SPTAN1: variants seen among roughly 807,000 people sequenced by gnomAD.
SPTAN1 encodes the protein spectrin alpha, non-erythrocytic 1.
Under a neutral mutation model 331.3 loss-of-function variants are expected in SPTAN1, and 61 were observed. That is an observed-to-expected ratio of 0.18 (90% confidence interval 0.15 to 0.23). SPTAN1 has a LOEUF of 0.23. SPTAN1 is among the 10% of genes least tolerant of loss of function. The probability of loss-of-function intolerance (pLI) is 1.00; values close to 1 mark genes in which losing one functional copy is unlikely to be tolerated. For synonymous variants in SPTAN1, 1,153 were observed against 1,173.9 expected (o/e 0.98, Z 0.36); for missense variants, 2,043 against 3,147.9 (o/e 0.65, Z 8.40).
intron 1 of SPTAN1, among the ~76,000 whole-genome samples, chr9:128,558,537 G>C (rs561598177): frequency 2.0e-5 from 3 of 152,294 alleles, no homozygotes. Flanking sequence ...CTAGGAAGTC[G>C]TCTCTGTTGT....
intron 1 of SPTAN1, chr9:128,555,260 CAT>C: frequency 1.1e-6 from 1 of 934,950 alleles, no homozygotes; most frequent in African/African-American, 1.7e-5. Context: ...AATCTGTATT[CAT>C]ATTTTTTAAA....
intron 1 of SPTAN1, among the ~76,000 whole-genome samples, chr9:128,562,128 ATTTT>A (rs926707685): frequency 2.0e-5 from 3 of 151,960 alleles, no homozygotes; most frequent in African/African-American, 4.8e-5. Context: ...TGTTTTTTAT[ATTTT>A]TTATTTTTTT....
chr9:128,555,062 C>G (rs1364452526), intron 1 of SPTAN1, among the ~76,000 whole-genome samples: 1 of 152,108 alleles, frequency 6.6e-6, no homozygotes, highest in Non-Finnish European at 1.5e-5. Flanking sequence ...GGTATTATTA[C>G]TTTAACAAGT....
chr9:128,632,925 G>C lies in SPTAN1; in HGVS notation c.7278G>C (p.Lys2426Asn). Residue 2426 changes from lysine (K) to asparagine (N), a missense_variant, in exon 56 of 57, where the codon AAG (lysine) becomes AAC (asparagine). By Grantham distance (94) the Lys-to-Asn change is moderately conservative. Transcript: ENST00000372739. ...TCCGGGCCCTCAGCTCAGAGGGAAA[G>C]CCTTACGTGACCAAGGAGGAGCTCT... The part of the protein sequence containing the change: ...SAFRALSSEG[K>N]PYVTKEELYQ... 6.2e-7 allele frequency: 1 copy of C among 1,613,370 alleles called. No individual in the cohort carries two copies. The highest frequency in any genetic ancestry group is 8.5e-7 in the Non-Finnish European group (1 of 1,180,038).
At chr9:128,623,239 CTTTTTTTT>C (rs879242470) in intron 45 of SPTAN1, among the ~76,000 whole-genome samples, 2 of 140,014 alleles carry the variant, frequency 1.4e-5, no homozygotes, top group Non-Finnish European at 3.1e-5. Context: ...TTCTTTTTTT[CTTTTTTTT>C]TTTTAAGAGA....
Position 128,632,567 on chromosome 9 carries a change from T to G in SPTAN1, c.7014-5T>G. ...TGCTGAGCCGCCCTCGGCTTTGTGC[T>G]GCAGACACTTTGACAAGGACAAGTC... is the stretch of plus-strand genomic sequence containing the variant. On this transcript the variant is annotated splice_polypyrimidine_tract_variant and splice_region_variant and intron_variant, in intron 54 of 56. Coordinates refer to ENST00000372739, the MANE Select transcript of SPTAN1 (RefSeq NM_001130438.3). 6.2e-7 allele frequency: 1 copy of G among 1,614,150 alleles called. No homozygotes were observed.
chr9:128,631,905 C>T (rs897224951), intron 52 of SPTAN1: 2 of 585,148 alleles, frequency 3.4e-6, no homozygotes, highest in East Asian at 5.8e-5. Context: ...GGCAGGTCTA[C>T]CAGCTGCTTT....
In SPTAN1 at chr9:128,591,638, C is replaced by T; in HGVS notation, c.3155+13C>T. 2 of 1,613,584 alleles carry T rather than the reference C, an allele frequency of 1.2e-6. No homozygotes were observed. Among genetic ancestry groups the T allele is most frequent in the Non-Finnish European group, 1.7e-6 (2 of 1,179,854 alleles). On this transcript the variant is annotated intron_variant, in intron 22 of 56. Coordinates refer to ENST00000372739, the MANE Select transcript of SPTAN1 (RefSeq NM_001130438.3). ...AGATTGACAATCAGTAAGGATGACA[C>T]TGGGGGCCGCAAGGGCTAGGCGTCC...
Position 128,607,722 on chromosome 9 carries a change from T to TA in SPTAN1, c.4146+19_4146+20insA, listed in dbSNP as rs554731574. The TA allele has an allele frequency of 9.4e-5, 151 of 1,613,400 alleles. 1 individual carries two copies. In the East Asian group the frequency reaches 3.1e-3, roughly 33 times the overall value. ...ACACCAGGTGGGTGGACCTGCCTGC[T>TA]GAGTAGCAAAGACGTGGCTGCTCTG... On this transcript the variant is annotated intron_variant, in intron 32 of 56. Transcript: ENST00000372739.
intron 8 of SPTAN1, 48 bp from the exon 9 acceptor site, chr9:128,578,062 C>G: frequency 6.2e-7 from 1 of 1,613,102 alleles, no homozygotes; most frequent in Non-Finnish European, 8.5e-7. Context: ...CATTTTCCAC[C>G]CTGGAACCTC....
intron 1 of SPTAN1, among the ~76,000 whole-genome samples, chr9:128,555,682 A>G (rs1177933378): frequency 1.5e-5 from 2 of 132,132 alleles, no homozygotes; most frequent in African/African-American, 5.8e-5. Flanking sequence ...GAATATATTA[A>G]TTTCTTACCA....
At chr9:128,604,215 A>G (rs1315883510) in intron 28 of SPTAN1, 111 bp from the exon 29 acceptor site, 1 of 1,123,898 alleles carries the variant, frequency 8.9e-7, no homozygotes, top group Non-Finnish European at 1.3e-6. Flanking sequence ...TGGAAACAGG[A>G]AATTATATAT....
Position 128,552,630 on chromosome 9 carries a change from G to C in SPTAN1, c.-70G>C, listed in dbSNP as rs1156310148. On this transcript the variant is annotated 5_prime_UTR_variant, in exon 1 of 57. Transcript: ENST00000372739. This position sits in a 1 kb window ranked among gnomAD's most constrained non-coding sequence, Gnocchi z 4.6. ...GTGAACGGTGTGGAGCGGAGGCCGC[G>C]GAGGCTCCTCGGTCCTTCAGCACCC... is the stretch of plus-strand genomic sequence containing the variant. The C allele has an allele frequency of 6.6e-6, 1 of 151,608 alleles. No homozygotes were observed. Among genetic ancestry groups the C allele is most frequent in the Non-Finnish European group, 1.5e-5 (1 of 67,852 alleles). 9.4% of individuals were successfully genotyped at this position (151,608 alleles called of 1,614,324 possible).
rs2131988548 is a variant in SPTAN1, at chr9:128,627,625, G to A, written c.6689+127G>A. 1 of 999,192 alleles carries A rather than the reference G, an allele frequency of 1.0e-6. No individual in the cohort carries two copies. The highest frequency in any genetic ancestry group is 1.4e-5 in the South Asian group (1 of 73,612). The allele number at this position is 999,192 out of a possible 1,614,324, so 61.9% of individuals were successfully genotyped here. ...CAGAGGCAGCCTGGGAATAAAGCTGGGCTGGCAACGCCTGGTCGGGCTCTG... is the reference window on the plus strand; with the variant it reads ...CAGAGGCAGCCTGGGAATAAAGCTGAGCTGGCAACGCCTGGTCGGGCTCTG... On this transcript the variant is annotated intron_variant, in intron 50 of 56. Transcript: ENST00000372739. This position sits in a 1 kb window ranked among gnomAD's most constrained non-coding sequence, Gnocchi z 4.9.
chr9:128,591,383 A>T, intron 21 of SPTAN1, 94 bp from the exon 22 acceptor site: 1 of 1,567,926 alleles, frequency 6.4e-7, no homozygotes, highest in Non-Finnish European at 8.8e-7. Context: ...ACCTCTTAAA[A>T]CAACGCTCTC....
chr9:128,611,934 G>A, intron 38 of SPTAN1, 89 bp downstream of exon 38: 25 of 1,607,878 alleles, frequency 1.6e-5, no homozygotes, highest in Non-Finnish European at 2.0e-5. Flanking sequence ...ACAGTCTTAA[G>A]ACACTAAATG....
chr9:128,622,088 C>T (rs1857938969), intron 45 of SPTAN1: 1 of 152,432 alleles, frequency 6.6e-6, no homozygotes, highest in Non-Finnish European at 1.5e-5. Flanking sequence ...TAGCTAAAAT[C>T]CACTTCACTG....
At chr9:128,568,990 A>G in intron 3 of SPTAN1, 93 bp downstream of exon 3, 4 of 1,551,024 alleles carry the variant, frequency 2.6e-6, no homozygotes, top group Non-Finnish European at 3.5e-6. Context: ...CCAAAAAGAT[A>G]GACTTTTCCA....
intron 26 of SPTAN1, chr9:128,599,632 CCTCAGCCTCCCAG>C (rs1355774209): frequency 5.4e-6 from 1 of 185,666 alleles, no homozygotes; most frequent in African/African-American, 2.5e-5. Context: ...AATCCTCCCA[CCTCAGCCTCCCAG>C]GTATCTAGGA....
Sources: allele counts gnomAD v4.1 joint callset (sites outside exome capture counted in the v4.1 genomes callset), GRCh38; gene constraint gnomAD v4.1.1; non-coding constraint Gnocchi (gnomAD v3.1); transcripts MANE v1.5; gene names NCBI Gene and HGNC (gene_info 2026-07-23, HGNC 2026-07-21).